SYT1: variants seen among roughly 807,000 people sequenced by gnomAD.
SYT1 encodes the protein synaptotagmin 1, also known as synaptotagmin-1.
Under a neutral mutation model 44.8 loss-of-function variants are expected in SYT1, and 8 were observed. The observed-to-expected ratio is 0.18, with a 90% CI of 0.10 to 0.32. SYT1 has a LOEUF of 0.32. Ranked by LOEUF, SYT1 falls within the 10% of genes least tolerant of loss-of-function variation. The pLI is 1.00. For synonymous variants in SYT1, 154 were observed against 188.8 expected (o/e 0.82, Z 1.51); for missense variants, 286 against 509.3 (o/e 0.56, Z 4.22).
intron 3 of SYT1, among the ~76,000 whole-genome samples, chr12:79,060,636 G>C (rs1381606549): frequency 6.6e-6 from 1 of 152,022 alleles, no homozygotes; most frequent in South Asian, 2.1e-4. Flanking sequence ...ATTGTAGCAT[G>C]TGTCAAAATT....
At chr12:79,126,621 G>A (rs1019525307) in intron 3 of SYT1, among the ~76,000 whole-genome samples, 1 of 152,142 alleles carries the variant, frequency 6.6e-6, no homozygotes, top group Non-Finnish European at 1.5e-5. Context: ...AGCGACTTTG[G>A]AGGATTTATA....
chr12:79,061,627 TATA>T (rs1484692766), intron 3 of SYT1, among the ~76,000 whole-genome samples: 1 of 152,108 alleles, frequency 6.6e-6, no homozygotes, highest in African/African-American at 2.4e-5. Flanking sequence ...CTAATTAAAA[TATA>T]ATAGTATGAA....
intron 1 of SYT1, among the ~76,000 whole-genome samples, chr12:78,970,968 G>C (rs1372928337): frequency 6.6e-6 from 1 of 152,108 alleles, no homozygotes; most frequent in Non-Finnish European, 1.5e-5. Context: ...GGCCAACATG[G>C]TGAAACTCCA....
At chr12:79,179,181 T>G (rs1482576152) in intron 3 of SYT1, among the ~76,000 whole-genome samples, 39 of 44,188 alleles carry the variant, frequency 8.8e-4, no homozygotes, top group East Asian at 4.0e-3. Flanking sequence ...TATAGATATA[T>G]AGATATAGAT....
At chr12:78,916,122 C>T (rs954681732) in intron 1 of SYT1, among the ~76,000 whole-genome samples, 6 of 151,900 alleles carry the variant, frequency 3.9e-5, no homozygotes, top group East Asian at 1.9e-4. Context: ...CGGAAGACTC[C>T]GGTTTCAGTT....
intron 1 of SYT1, among the ~76,000 whole-genome samples, chr12:78,895,718 C>A (rs1294772244): frequency 6.6e-6 from 1 of 151,614 alleles, no homozygotes; most frequent in African/African-American, 2.4e-5. Flanking sequence ...CTATTAAGGA[C>A]AATAAAAAGT....
At position 78,888,678 on chromosome 12, in the gene SYT1, C is replaced by T. The variant is rs117608524; in HGVS notation, c.-217+23569C>T. Among the ~76,000 whole-genome samples, 368 of 151,992 alleles carry T rather than the reference C, an allele frequency of 2.4e-3. 2 individuals are homozygous for T. Among genetic ancestry groups the T allele is most frequent in the Non-Finnish European group, 3.9e-3 (265 of 67,930 alleles). On this transcript the variant is annotated intron_variant, in intron 1 of 10. Coordinates refer to ENST00000261205, the MANE Select transcript of SYT1 (RefSeq NM_005639.3). The stretch of plus-strand genomic sequence containing the variant: ...TCTTCTAGTCACCTTCTGAACTCCT[C>T]TTTACTTTTTATAGTTCAGCATACC...
chr12:79,435,894 C>T (rs1870060749), intron 9 of SYT1, among the ~76,000 whole-genome samples: 1 of 152,098 alleles, frequency 6.6e-6, no homozygotes, highest in African/African-American at 2.4e-5. Flanking sequence ...CAGACATTGC[C>T]AGCTGTCTGG....
At chr12:79,336,649 A>G (rs1341887285) in intron 8 of SYT1, among the ~76,000 whole-genome samples, 1 of 152,040 alleles carries the variant, frequency 6.6e-6, no homozygotes, top group Non-Finnish European at 1.5e-5. Context: ...ATTCATTGAG[A>G]CAGGATCTCA....
At chr12:79,282,131 A>C (rs1879083570) in intron 4 of SYT1, among the ~76,000 whole-genome samples, 1 of 152,138 alleles carries the variant, frequency 6.6e-6, no homozygotes, top group Admixed American at 6.6e-5. Context: ...TTGAGTCTAC[A>C]CTCAGATAAT....
At chr12:79,043,555 A>C (rs1240761207) in intron 2 of SYT1, among the ~76,000 whole-genome samples, 1 of 151,110 alleles carries the variant, frequency 6.6e-6, no homozygotes, top group Non-Finnish European at 1.5e-5. Context: ...AATACAGCAC[A>C]CTGATGGGTC....
intron 3 of SYT1, among the ~76,000 whole-genome samples, chr12:79,163,139 C>G (rs1162547560): frequency 6.6e-6 from 1 of 152,102 alleles, no homozygotes; most frequent in African/African-American, 2.4e-5. Context: ...AGACGTCACA[C>G]TGAGTGGGAC....
intron 9 of SYT1, among the ~76,000 whole-genome samples, chr12:79,416,554 C>A (rs1289832487): frequency 6.6e-6 from 1 of 151,944 alleles, no homozygotes; most frequent in Non-Finnish European, 1.5e-5. Context: ...CAGAAAAATG[C>A]GAGCATTGGT....
intron 3 of SYT1, among the ~76,000 whole-genome samples, chr12:79,178,562 A>C (rs1189329877): frequency 1.3e-5 from 2 of 151,804 alleles, no homozygotes; most frequent in Non-Finnish European, 2.9e-5. Flanking sequence ...TCCTATGGGC[A>C]ATGATATTTG....
chr12:78,937,669 TA>T, intron 1 of SYT1, among the ~76,000 whole-genome samples: 1 of 152,304 alleles, frequency 6.6e-6, no homozygotes, highest in Middle Eastern at 3.4e-3. Flanking sequence ...AAACGGTGTT[TA>T]TGTGTCATTT....
At chr12:79,344,797 T>A (rs1471111542) in intron 8 of SYT1, among the ~76,000 whole-genome samples, 1 of 152,254 alleles carries the variant, frequency 6.6e-6, no homozygotes, top group African/African-American at 2.4e-5. Context: ...TCTATTTTCA[T>A]CCTTATTTTG....
chr12:79,223,994 T>G (rs1397124648), intron 4 of SYT1, among the ~76,000 whole-genome samples: 1 of 152,032 alleles, frequency 6.6e-6, no homozygotes, highest in Non-Finnish European at 1.5e-5. Context: ...GTCCTTCCTA[T>G]CTCTTCAATG....
chr12:79,105,696 C>T (rs1322308798), intron 3 of SYT1, among the ~76,000 whole-genome samples: 7 of 151,992 alleles, frequency 4.6e-5, no homozygotes, highest in African/African-American at 1.2e-4. Flanking sequence ...CTGGCTAACA[C>T]GGTGAAACCC....
chr12:79,317,649 G>A (rs911038880), intron 8 of SYT1, among the ~76,000 whole-genome samples: 1 of 152,108 alleles, frequency 6.6e-6, no homozygotes, highest in Non-Finnish European at 1.5e-5. Context: ...GGTGACTGTC[G>A]GGCGAAGTGT....
Sources: gnomAD v4.1 joint callset for allele counts (sites outside exome capture counted in the v4.1 genomes callset) on GRCh38, gnomAD v4.1.1 for gene constraint, MANE v1.5 for transcripts, NCBI Gene and HGNC (gene_info 2026-07-23, HGNC 2026-07-21) for gene names.